Variants in HEATR4 observed in about 807,000 individuals in gnomAD.
HEATR4 encodes HEAT repeat containing 4, also known as HEAT repeat-containing protein 4.
In HEATR4, 95 loss-of-function variants were observed where a neutral mutation model predicts 108.8. That is an observed-to-expected ratio of 0.87 (90% CI 0.74 to 1.04). The LOEUF (loss-of-function observed/expected upper bound fraction) is 1.04. Among genes scored for constraint, HEATR4 ranks in the 50% least tolerant of loss-of-function variants. HEATR4 has a pLI of 0.00. For synonymous variants in HEATR4, 443 were observed against 459.4 expected, an observed-to-expected ratio of 0.96 and a Z score of 0.46; for missense variants, 1,152 against 1,253.8, an observed-to-expected ratio of 0.92 and a Z score of 1.23.
the HEATR4 span, among the ~76,000 whole-genome samples, chr14:73,568,498 T>C: frequency 1.3e-4 from 20 of 152,068 alleles, no homozygotes; most frequent in East Asian, 3.9e-3. Flanking sequence ...AGTTGGAGGT[T>C]TGTAAGTGCA....
At chr14:73,491,657 C>T in intron 17 of HEATR4, 9 of 1,549,790 alleles carry the variant, frequency 5.8e-6, no homozygotes, top group Non-Finnish European at 7.8e-6. Flanking sequence ...CGCGCCCATG[C>T]CGCCAGATCA....
the HEATR4 span, among the ~76,000 whole-genome samples, chr14:73,614,459 G>T: frequency 6.6e-6 from 1 of 152,048 alleles, no homozygotes; most frequent in Non-Finnish European, 1.5e-5. Context: ...TACTGACTGG[G>T]CCAGGCGCAG....
intron 10 of HEATR4, among the ~76,000 whole-genome samples, chr14:73,504,081 T>C (rs895689393): frequency 6.6e-6 from 1 of 150,936 alleles, no homozygotes; most frequent in Non-Finnish European, 1.5e-5. Flanking sequence ...CATTTCTTTT[T>C]TTTTTTTTTT....
the HEATR4 span, among the ~76,000 whole-genome samples, chr14:73,614,063 T>TGG: frequency 1.4e-5 from 2 of 144,724 alleles, no homozygotes; most frequent in Non-Finnish European, 3.0e-5. Flanking sequence ...TAGGCAGGCA[T>TGG]GGTGGTGCAT....
At chr14:73,586,434 G>A in the HEATR4 span, among the ~76,000 whole-genome samples, 23 of 151,348 alleles carry the variant, frequency 1.5e-4, no homozygotes, top group East Asian at 4.5e-3. Flanking sequence ...GCCAGGCTCA[G>A]TGGTTCATGC....
At chr14:73,616,864 A>G in the HEATR4 span, 5 of 574,202 alleles carry the variant, frequency 8.7e-6, no homozygotes, top group Non-Finnish European at 1.5e-5. Flanking sequence ...TTATTGTTTG[A>G]GAAAATAAGA....
the HEATR4 span, among the ~76,000 whole-genome samples, chr14:73,619,044 T>A: frequency 1.3e-5 from 2 of 152,074 alleles, no homozygotes; most frequent in African/African-American, 4.8e-5. Context: ...GCACGAGAAT[T>A]GCTTGAACCC....
At chr14:73,501,569 CT>C (rs1204245183) in intron 11 of HEATR4, among the ~76,000 whole-genome samples, 8,620 of 108,176 alleles carry the variant, frequency 0.08, 288 homozygotes, top group Non-Finnish European at 0.13. Context: ...GTCTCTCTCT[CT>C]TTTTTTTTTT....
the HEATR4 span, among the ~76,000 whole-genome samples, chr14:73,605,757 G>C: frequency 6.6e-6 from 1 of 151,720 alleles, no homozygotes; most frequent in Admixed American, 6.6e-5. Flanking sequence ...TTTTAGTAGA[G>C]ACAGGGTTTC....
chr14:73,478,999 C>T (rs917372920), intron 17 of HEATR4, among the ~76,000 whole-genome samples, 157 bp from the exon 18 acceptor site: 4 of 151,784 alleles, frequency 2.6e-5, no homozygotes, highest in African/African-American at 4.8e-5. Context: ...AGTTCAGTGG[C>T]GCAATCTCGG....
At chr14:73,551,655 C>G (rs536353458) in intron 1 of HEATR4, among the ~76,000 whole-genome samples, 1 of 111,290 alleles carries the variant, frequency 9.0e-6, no homozygotes, top group Non-Finnish European at 1.9e-5. Context: ...TAAAAATACA[C>G]AAATTAGCCG....
In HEATR4 at chr14:73,492,523, C is replaced by T. The variant is rs1438222577; in HGVS notation, c.2844+543G>A. The T allele has an allele frequency of 4.3e-6, 7 of 1,613,502 alleles. No homozygotes were observed. The highest frequency in any genetic ancestry group is 1.7e-5 in the Admixed American group (1 of 59,892). The stretch of plus-strand genomic sequence containing the variant: ...TTGATGCTGTGGCCGACCAGCGAGC[C>T]AAAGACTTCATTCACGATTCTCTGC... On this transcript the variant is annotated intron_variant, in intron 17 of 17. Transcript: ENST00000553558. This position sits in a 1 kb window ranked among gnomAD's most constrained non-coding sequence, Gnocchi z 4.9.
chr14:73,602,310 G>A, the HEATR4 span, among the ~76,000 whole-genome samples: 1 of 152,150 alleles, frequency 6.6e-6, no homozygotes, highest in Admixed American at 6.6e-5. Context: ...TCCACTGGAG[G>A]CTATATGATT....
the HEATR4 span, chr14:73,591,684 G>C: frequency 5.4e-6 from 2 of 372,550 alleles, no homozygotes; most frequent in Non-Finnish European, 4.8e-6. Context: ...GTGTGAGGCA[G>C]AGAGGCTTTC....
chr14:73,592,668 C>A, the HEATR4 span, among the ~76,000 whole-genome samples: 1 of 152,212 alleles, frequency 6.6e-6, no homozygotes. Flanking sequence ...GACTGGCCAG[C>A]ATGGTGAAAC....
chr14:73,503,142 C>A lies in HEATR4; in HGVS notation c.1987-129G>T. 5.6e-6 allele frequency: 4 copies of A among 711,962 alleles called. No homozygotes were observed. The South Asian group carries it at 6.7e-5, about 12-fold the overall frequency. The allele number at this position is 711,962 out of a possible 1,614,324, so 44.1% of individuals were successfully genotyped here. A position where few individuals can be genotyped will look rare whatever the true frequency, so the allele number is the denominator to read the frequency against. ...TGAGGATTGTCCTGAGTGTTTTTTC[C>A]CATCGCTTACTCTCCCAAAGAATCC... On this transcript the variant is annotated intron_variant, in intron 10 of 17. Transcript: ENST00000553558.
chr14:73,595,804 C>A, the HEATR4 span: 3 of 1,004,086 alleles, frequency 3.0e-6, no homozygotes, highest in Non-Finnish European at 2.7e-6. Context: ...TAAGCTTTGT[C>A]GTTAGTTTTA....
At chr14:73,587,036 T>C in the HEATR4 span, among the ~76,000 whole-genome samples, 46 of 152,254 alleles carry the variant, frequency 3.0e-4, no homozygotes, top group Middle Eastern at 6.8e-3. Context: ...TTTGTTTGTA[T>C]TTTTCTCTTA....
intron 7 of HEATR4, among the ~76,000 whole-genome samples, chr14:73,511,445 G>A (rs1887244341): frequency 6.6e-6 from 1 of 151,854 alleles, no homozygotes; most frequent in South Asian, 2.1e-4. Flanking sequence ...CTTGAACCTG[G>A]GAGGTGGAGG....
Sources: gnomAD v4.1 joint callset for allele counts (sites outside exome capture counted in the v4.1 genomes callset) on GRCh38, gnomAD v4.1.1 for gene constraint, Gnocchi (gnomAD v3.1) non-coding constraint, MANE v1.5 for transcripts, NCBI Gene and HGNC (gene_info 2026-07-23, HGNC 2026-07-21) for gene names.